Variants in MICAL3 observed in about 807,000 individuals in gnomAD.
MICAL3 encodes the protein microtubule associated monooxygenase, calponin and LIM domain containing 3, also known as [F-actin]-monooxygenase MICAL3.
MICAL3 carries 62 observed loss-of-function variants against 207.4 expected under a neutral mutation model. That is an observed-to-expected ratio of 0.30 (90% CI 0.24 to 0.37). MICAL3 has a LOEUF of 0.37. Ranked by LOEUF, MICAL3 falls within the 10% of genes least tolerant of loss-of-function variation. The pLI is 1.00. For synonymous variants in MICAL3, 1,077 were observed against 1,069.3 expected, an observed-to-expected ratio of 1.01 and a Z score of -0.14; for missense variants, 2,368 against 2,635.6, an observed-to-expected ratio of 0.90 and a Z score of 2.22.
chr22:17,912,594 A>G (rs1421730646), intron 1 of MICAL3, among the ~76,000 whole-genome samples: 1 of 152,198 alleles, frequency 6.6e-6, no homozygotes, highest in Non-Finnish European at 1.5e-5. Context: ...ATGCTACTGT[A>G]GACAATTATT....
chr22:17,967,492 A>C (rs199940025), intron 1 of MICAL3, among the ~76,000 whole-genome samples: 2 of 148,612 alleles, frequency 1.3e-5, no homozygotes, highest in African/African-American at 5.0e-5. Flanking sequence ...ACACACACAC[A>C]CCCACACACA....
At chr22:17,836,570 G>C (rs150933055) in intron 20 of MICAL3, among the ~76,000 whole-genome samples, 34 of 152,098 alleles carry the variant, frequency 2.2e-4, no homozygotes, top group African/African-American at 8.0e-4. Flanking sequence ...AACCTGAGAA[G>C]TGCAGACCAG....
intron 19 of MICAL3, among the ~76,000 whole-genome samples, chr22:17,844,888 C>T (rs1272949142): frequency 6.6e-6 from 1 of 152,168 alleles, no homozygotes; most frequent in African/African-American, 2.4e-5. Context: ...TTCTCCAAAC[C>T]TGCCCTCCCA....
At position 17,902,655 on chromosome 22, in the gene MICAL3, G is replaced by A; in HGVS notation, c.565C>T (p.Pro189Ser). The change falls in exon 4 of 32, where the codon CCT becomes TCT. Residue 189 changes from proline (P) to serine (S), a missense_variant. Coordinates refer to ENST00000441493, the MANE Select transcript of MICAL3 (RefSeq NM_015241.3). The surrounding 1 kb of genome is among the most constrained non-coding windows in gnomAD (Gnocchi z 4.5). ...CGTTCATTCTCTTGGTCCTCAGGAG[G>A]CTGTATAAGTCCTTGGAATTCCACA... ...VNVEFQGLIQ[P>S]PEDQENERIG... 1 of 1,602,378 alleles carries A rather than the reference G, an allele frequency of 6.2e-7. No homozygotes were observed. The highest frequency in any genetic ancestry group is 8.5e-7 in the Non-Finnish European group (1 of 1,172,454).
chr22:18,002,856 A>G (rs1199383773), intron 1 of MICAL3, among the ~76,000 whole-genome samples: 1 of 151,980 alleles, frequency 6.6e-6, no homozygotes, highest in Non-Finnish European at 1.5e-5. Context: ...AGCATTATCC[A>G]CTATCTTAAA....
At chr22:17,816,968 C>A (rs896294089) in intron 26 of MICAL3, among the ~76,000 whole-genome samples, 184 bp from the exon 27 acceptor site, 3 of 152,254 alleles carry the variant, frequency 2.0e-5, no homozygotes, top group Admixed American at 1.3e-4. Flanking sequence ...CTGGGCAGGG[C>A]AGAGCTGACG....
At position 17,827,707 on chromosome 22, in the gene MICAL3, G is replaced by A; in HGVS notation, c.3130C>T (p.His1044Tyr). Reference sequence around the variant, plus strand: ...TCTTCCTCCTCTCTCTCACGGATATGAGTCCAGTGCACGTCAGCCTGGATC... The same window carrying A: ...TCTTCCTCCTCTCTCTCACGGATATAAGTCCAGTGCACGTCAGCCTGGATC... ...LEIQADVHWT[H>Y]IREREEEERM... is the part of the protein sequence containing the mutation. Residue 1044 changes from histidine to tyrosine, a missense_variant, in exon 22 of 32, where the codon CAT (histidine) becomes TAT (tyrosine). By Grantham distance (83) the His-to-Tyr change is moderately conservative. Transcript: ENST00000441493. 1 of 1,580,956 alleles carries A rather than the reference G, an allele frequency of 6.3e-7. No homozygotes were observed. Among genetic ancestry groups the A allele is most frequent in the Middle Eastern group, 1.7e-4 (1 of 6,024 alleles).
At chr22:17,835,101 T>A (rs1353225853) in intron 20 of MICAL3, among the ~76,000 whole-genome samples, 1 of 152,202 alleles carries the variant, frequency 6.6e-6, no homozygotes, top group African/African-American at 2.4e-5. Context: ...GGGCACTGAA[T>A]AGATGCCCCG....
At chr22:17,846,928 C>A (rs1399376745) in intron 19 of MICAL3, among the ~76,000 whole-genome samples, 1 of 152,172 alleles carries the variant, frequency 6.6e-6, no homozygotes, top group Non-Finnish European at 1.5e-5. Context: ...TCAGGTTCTG[C>A]TTTGGAAGAG....
At chr22:17,792,262 G>C (rs1365314561) in intron 29 of MICAL3, among the ~76,000 whole-genome samples, 2 of 152,122 alleles carry the variant, frequency 1.3e-5, no homozygotes, top group South Asian at 2.1e-4. Context: ...CAATATTTTT[G>C]GATTACAAAC....
At chr22:17,959,708 T>C (rs1308340874) in intron 1 of MICAL3, among the ~76,000 whole-genome samples, 1 of 152,002 alleles carries the variant, frequency 6.6e-6, no homozygotes, top group Non-Finnish European at 1.5e-5. Flanking sequence ...TGGGGTTGAG[T>C]GGGTCAGGAC....
At chr22:18,012,455 C>G (rs1195423069) in intron 1 of MICAL3, among the ~76,000 whole-genome samples, 3 of 152,100 alleles carry the variant, frequency 2.0e-5, no homozygotes, top group Non-Finnish European at 2.9e-5. Context: ...GAGGGCCAGA[C>G]AGTGCTGAGA....
intron 16 of MICAL3, among the ~76,000 whole-genome samples, chr22:17,884,545 A>C (rs1929713303): frequency 6.6e-6 from 1 of 152,260 alleles, no homozygotes. Context: ...AGCCTCCCCC[A>C]AACCAAAAGC....
chr22:17,892,300 C>T (rs909556757), intron 11 of MICAL3, among the ~76,000 whole-genome samples: 5 of 152,166 alleles, frequency 3.3e-5, no homozygotes, highest in African/African-American at 9.7e-5. Context: ...TTCATTGAAA[C>T]GTCTTCTAAA....
chr22:17,814,465 A>G (rs2062081211), intron 27 of MICAL3: 1 of 152,232 alleles, frequency 6.6e-6, no homozygotes, highest in Non-Finnish European at 1.5e-5. Context: ...TATCACTTGC[A>G]AGGAACTTAA....
intron 1 of MICAL3, among the ~76,000 whole-genome samples, chr22:17,917,607 C>T (rs1279694290): frequency 6.6e-6 from 1 of 152,296 alleles, no homozygotes; most frequent in African/African-American, 2.4e-5. Context: ...CCATTTAAAA[C>T]ACCCATCAGA....
chr22:17,900,658 G>C lies in MICAL3; in HGVS notation c.847+184C>G, dbSNP rs894216158. Among the ~76,000 whole-genome samples, 1 of 152,162 alleles carries C rather than the reference G, an allele frequency of 6.6e-6. No homozygotes were observed. ...CACTGTGAGGAGGTTAAGAATACAA[G>C]AGGAGGAGACAAGTTCTGCAGGAAG... is the stretch of plus-strand genomic sequence containing the variant. On this transcript the variant is annotated intron_variant, in intron 6 of 31. Transcript: ENST00000441493. This position sits in a 1 kb window ranked among gnomAD's most constrained non-coding sequence, Gnocchi z 4.0.
chr22:17,837,577 T>C (rs920817), intron 20 of MICAL3, among the ~76,000 whole-genome samples: 70,513 of 152,160 alleles, frequency 0.46, 18,898 homozygotes, highest in African/African-American at 0.75. Context: ...CCTCCCTTGG[T>C]TTTGGCCCAC....
intron 19 of MICAL3, chr22:17,863,435 C>T: frequency 1.0e-6 from 1 of 985,448 alleles, no homozygotes; most frequent in African/African-American, 1.7e-5. Context: ...GGTTATTTTT[C>T]TCTACCAGTG....
Sources: gnomAD v4.1 joint callset for allele counts (sites outside exome capture counted in the v4.1 genomes callset) on GRCh38, gnomAD v4.1.1 for gene constraint, Gnocchi (gnomAD v3.1) non-coding constraint, MANE v1.5 for transcripts, NCBI Gene and HGNC (gene_info 2026-07-23, HGNC 2026-07-21) for gene names.